LIN28B: variants seen among roughly 807,000 people sequenced by gnomAD.
LIN28B encodes the protein protein lin-28 homolog B.
In LIN28B, 5 loss-of-function variants were observed where a neutral mutation model predicts 21.9. The ratio of observed to expected loss-of-function variants is 0.23; its 90% confidence interval spans 0.12 to 0.48. LIN28B has a LOEUF of 0.48. LIN28B is among the 20% of genes least tolerant of loss of function. LIN28B has a pLI of 0.98. For synonymous variants in LIN28B, 109 were observed against 111.3 expected (o/e 0.98, Z 0.13); for missense variants, 245 against 310.5 (o/e 0.79, Z 1.58).
At chr6:104,964,601 A>T (rs1769819100) in intron 2 of LIN28B, among the ~76,000 whole-genome samples, 3 of 151,872 alleles carry the variant, frequency 2.0e-5, no homozygotes, top group African/African-American at 7.2e-5. Context: ...AATTCAACTG[A>T]TTTATATTCC....
At chr6:105,005,604 GCTCTCT>G (rs139594936) in intron 2 of LIN28B, among the ~76,000 whole-genome samples, 1 of 148,702 alleles carries the variant, frequency 6.7e-6, no homozygotes, top group Non-Finnish European at 1.5e-5. Context: ...TCGTCCCTTG[GCTCTCT>G]CTCTCTCTCT....
chr6:105,073,544 C>T (rs1348501158), intron 3 of LIN28B, among the ~76,000 whole-genome samples: 1 of 152,188 alleles, frequency 6.6e-6, no homozygotes, highest in African/African-American at 2.4e-5. Flanking sequence ...ACAATTCCTT[C>T]CCCTTCAGAA....
intron 2 of LIN28B, chr6:104,940,660 A>G (rs1358614172): frequency 1.3e-5 from 2 of 150,108 alleles, no homozygotes; most frequent in African/African-American, 2.4e-5. Context: ...CTCCAGTCGA[A>G]CCGCCTGGTG....
At chr6:104,981,642 C>T (rs992219757) in intron 2 of LIN28B, among the ~76,000 whole-genome samples, 1 of 152,198 alleles carries the variant, frequency 6.6e-6, no homozygotes, top group Non-Finnish European at 1.5e-5. Flanking sequence ...AAGCCGCTTC[C>T]TATTCAAAAG....
chr6:105,072,741 A>G (rs1037056810), intron 3 of LIN28B, among the ~76,000 whole-genome samples: 18 of 152,194 alleles, frequency 1.2e-4, no homozygotes, highest in African/African-American at 3.9e-4. Flanking sequence ...CTGGCTTACA[A>G]TCTTATGAAT....
At chr6:104,950,965 CA>C (rs1778214276) in intron 3 of LIN28B, among the ~76,000 whole-genome samples, 1 of 151,972 alleles carries the variant, frequency 6.6e-6, no homozygotes, top group South Asian at 2.1e-4. Context: ...AGAAATAGCA[CA>C]ATATATTAGA....
chr6:105,043,341 C>CAAAAAAAAAAAAAAAAAAAAA (rs57532096), intron 3 of LIN28B, among the ~76,000 whole-genome samples: 8 of 75,388 alleles, frequency 1.1e-4, no homozygotes, highest in Admixed American at 1.6e-4. Flanking sequence ...GACTCTGTCT[C>CAAAAAAAAAAAAAAAAAAAAA]AAAAAAAAAA....
chr6:105,073,634 C>T (rs753716742), intron 3 of LIN28B, among the ~76,000 whole-genome samples: 29 of 152,238 alleles, frequency 1.9e-4, no homozygotes, highest in Non-Finnish European at 3.2e-4. Context: ...CATATAAATT[C>T]TTATTAACTT....
rs531235227 is a variant in LIN28B, at chr6:104,965,632, C to T, written c.198+7346C>T. On this transcript the variant is annotated intron_variant, in intron 2 of 3. Coordinates refer to ENST00000345080, the MANE Select transcript of LIN28B (RefSeq NM_001004317.4). ...GACTTCCTGGGCTCAAGTGATCCTCCTGCCTTGGCCTCCCAAAGTCCTGGG... is the reference window on the plus strand; with the variant it reads ...GACTTCCTGGGCTCAAGTGATCCTCTTGCCTTGGCCTCCCAAAGTCCTGGG... Among the ~76,000 whole-genome samples, 80 of 152,312 alleles carry T rather than the reference C, an allele frequency of 5.3e-4. 1 individual carries two copies. Among genetic ancestry groups the T allele is most frequent in the Non-Finnish European group, 2.1e-4 (14 of 68,030 alleles).
chr6:105,018,003 T>C (rs918766846), intron 2 of LIN28B, among the ~76,000 whole-genome samples: 3 of 152,216 alleles, frequency 2.0e-5, no homozygotes, highest in Admixed American at 6.5e-5. Context: ...CTGAGTATGC[T>C]ACCTCATGCC....
At chr6:105,060,563 T>A (rs1191423947) in intron 3 of LIN28B, among the ~76,000 whole-genome samples, 1 of 152,222 alleles carries the variant, frequency 6.6e-6, no homozygotes, top group Admixed American at 6.5e-5. Flanking sequence ...GTGACCGATC[T>A]GTGACATGGC....
rs1772484523 is a variant in LIN28B at position 105,078,820 on chromosome 6, G to T, written c.*37G>T. 6.3e-7 allele frequency: 1 copy of T among 1,582,712 alleles called. No individual in the cohort carries two copies. The highest frequency in any genetic ancestry group is 8.6e-7 in the Non-Finnish European group (1 of 1,162,340). ...CATATGTTCTTTCCTTTACCCGGTTGCAAAGTCTACCTCATGCAAGTATAG... is the reference window on the plus strand; with the variant it reads ...CATATGTTCTTTCCTTTACCCGGTTTCAAAGTCTACCTCATGCAAGTATAG... On this transcript the variant is annotated 3_prime_UTR_variant, in exon 4 of 4. Transcript: ENST00000345080.
chr6:104,941,767 G>A (rs1423686550), intron 2 of LIN28B, among the ~76,000 whole-genome samples: 3 of 152,238 alleles, frequency 2.0e-5, no homozygotes, highest in African/African-American at 4.8e-5. Flanking sequence ...AAACCAAAGA[G>A]GAAATGATAC....
At chr6:104,950,327 TA>T (rs945704706) in intron 2 of LIN28B, 53 of 435,132 alleles carry the variant, frequency 1.2e-4, no homozygotes, top group African/African-American at 6.7e-4. Flanking sequence ...TCTTAAACTG[TA>T]AAAAAAAGTT....
intron 3 of LIN28B, among the ~76,000 whole-genome samples, chr6:105,067,357 CA>C (rs1200877144): frequency 6.6e-6 from 1 of 152,136 alleles, no homozygotes; most frequent in Non-Finnish European, 1.5e-5. Flanking sequence ...ACTACAACAG[CA>C]AAAATGCATG....
chr6:105,042,322 G>GT (rs1321470016), intron 3 of LIN28B, among the ~76,000 whole-genome samples: 1 of 152,168 alleles, frequency 6.6e-6, no homozygotes, highest in Admixed American at 6.5e-5. Flanking sequence ...CAATGAGCTT[G>GT]TACTATAATC....
intron 3 of LIN28B, among the ~76,000 whole-genome samples, chr6:105,032,732 AT>A (rs1241986153): frequency 9.2e-5 from 14 of 151,530 alleles, no homozygotes; most frequent in South Asian, 8.3e-4. Context: ...AAAAAAAAAA[AT>A]TTTTTTTAAC....
At chr6:105,040,911 TA>T (rs1771619654) in intron 3 of LIN28B, among the ~76,000 whole-genome samples, 2 of 152,064 alleles carry the variant, frequency 1.3e-5, no homozygotes, top group African/African-American at 2.4e-5. Context: ...TTATTTCTTT[TA>T]TTTTTTTATT....
At chr6:104,944,357 CTG>C (rs1778132554) in intron 2 of LIN28B, among the ~76,000 whole-genome samples, 1 of 152,058 alleles carries the variant, frequency 6.6e-6, no homozygotes, top group African/African-American at 2.4e-5. Flanking sequence ...AACTCAAAAA[CTG>C]TACAGTTTTA....
Sources: gnomAD v4.1 joint callset for allele counts (sites outside exome capture counted in the v4.1 genomes callset) on GRCh38, gnomAD v4.1.1 for gene constraint, MANE v1.5 for transcripts, NCBI Gene and HGNC (gene_info 2026-07-23, HGNC 2026-07-21) for gene names.